Variants in SH3GL2 observed in about 807,000 individuals in gnomAD.
The protein encoded by SH3GL2 is endophilin-A1.
SH3GL2 carries 24 observed loss-of-function variants against 46.0 expected under a neutral mutation model. The observed-to-expected ratio is 0.52, with a 90% CI of 0.38 to 0.73. The LOEUF is 0.73. SH3GL2 is among the 30% of genes least tolerant of loss of function. The pLI is 0.00. For missense variants in SH3GL2, 413 were observed against 424.2 expected (o/e 0.97, Z 0.23); for synonymous variants, 196 against 147.1 (o/e 1.33, Z -2.40).
At chr9:17,781,609 T>C (rs1317825356) in intron 3 of SH3GL2, among the ~76,000 whole-genome samples, 1 of 152,170 alleles carries the variant, frequency 6.6e-6, no homozygotes, top group African/African-American at 2.4e-5. Context: ...GGTATGTGTC[T>C]ATTCAGCTTT....
At chr9:17,725,002 C>T (rs574124287) in intron 1 of SH3GL2, among the ~76,000 whole-genome samples, 3 of 152,216 alleles carry the variant, frequency 2.0e-5, no homozygotes, top group African/African-American at 4.8e-5. Context: ...GTGGTTCTTT[C>T]TCCATTCTCT....
intron 1 of SH3GL2, among the ~76,000 whole-genome samples, chr9:17,628,188 G>A (rs1488443920): frequency 6.6e-6 from 1 of 152,138 alleles, no homozygotes; most frequent in East Asian, 1.9e-4. Context: ...TCTTAAATGA[G>A]CCAGAATGGA....
At chr9:17,784,672 C>G (rs1823904271) in intron 3 of SH3GL2, among the ~76,000 whole-genome samples, 1 of 152,136 alleles carries the variant, frequency 6.6e-6, no homozygotes, top group South Asian at 2.1e-4. Context: ...ATATGACTCA[C>G]TGCAGAAAAT....
intron 1 of SH3GL2, among the ~76,000 whole-genome samples, chr9:17,737,007 G>C (rs1160893114): frequency 2.0e-5 from 3 of 152,102 alleles, no homozygotes; most frequent in Non-Finnish European, 4.4e-5. Flanking sequence ...ATACACCATG[G>C]AATACTATGC....
In SH3GL2 at chr9:17,579,122, C is replaced by G; in HGVS notation, c.-121C>G. ...CCGCTAGGCTCCGCGCCCTCGCGCC[C>G]ATAGCCCCGGCGGCGGCACGACCAG... On this transcript the variant is annotated 5_prime_UTR_variant, in exon 1 of 9. Coordinates refer to ENST00000380607, the MANE Select transcript of SH3GL2 (RefSeq NM_003026.5). 1.7e-6 allele frequency: 1 copy of G among 591,890 alleles called. No individual in the cohort carries two copies. 36.7% of individuals were successfully genotyped at this position (591,890 alleles called of 1,614,324 possible).
intron 1 of SH3GL2, among the ~76,000 whole-genome samples, chr9:17,585,041 G>A (rs1031958612): frequency 6.6e-6 from 1 of 152,208 alleles, no homozygotes; most frequent in Non-Finnish European, 1.5e-5. Context: ...ACTGTTTTGA[G>A]ACAGATGTCA....
chr9:17,735,512 G>A (rs558507820), intron 1 of SH3GL2, among the ~76,000 whole-genome samples: 2 of 150,784 alleles, frequency 1.3e-5, no homozygotes, highest in South Asian at 2.1e-4. Context: ...ACTTATACAT[G>A]AATTTTTTTT....
At chr9:17,677,218 G>A (rs1039519348) in intron 1 of SH3GL2, among the ~76,000 whole-genome samples, 3 of 152,036 alleles carry the variant, frequency 2.0e-5, no homozygotes, top group African/African-American at 4.8e-5. Context: ...TGAAGCAAAC[G>A]TGGAACTCTG....
intron 1 of SH3GL2, among the ~76,000 whole-genome samples, chr9:17,701,969 G>A (rs1312533678): frequency 2.0e-5 from 3 of 151,900 alleles, no homozygotes; most frequent in Admixed American, 6.6e-5. Context: ...TGGAAAAATA[G>A]TAAAGTATAG....
intron 1 of SH3GL2, among the ~76,000 whole-genome samples, chr9:17,616,003 G>A (rs948593703): frequency 2.6e-5 from 4 of 152,106 alleles, no homozygotes; most frequent in African/African-American, 4.8e-5. Flanking sequence ...GATGTTTCTG[G>A]GAATTGAGAT....
chr9:17,761,330 T>G, intron 2 of SH3GL2, 107 bp from the exon 3 acceptor site: 3 of 736,428 alleles, frequency 4.1e-6, no homozygotes, highest in Non-Finnish European at 7.4e-6. Flanking sequence ...GCGGGACTTG[T>G]CCGGGGCTCT....
At position 17,788,995 on chromosome 9, in the gene SH3GL2, A is replaced by G. The variant is rs1373500197; in HGVS notation, c.466-397A>G. Reference sequence around the variant, plus strand: ...GAAAGAGTTTTTCCTCTGGCTTCTCATGAGATACCATTTCTCTTGAAGACA... The same window carrying G: ...GAAAGAGTTTTTCCTCTGGCTTCTCGTGAGATACCATTTCTCTTGAAGACA... On this transcript the variant is annotated intron_variant, in intron 5 of 8. Coordinates refer to ENST00000380607, the MANE Select transcript of SH3GL2 (RefSeq NM_003026.5). 2.6e-5 allele frequency among the ~76,000 whole-genome samples: 4 copies of G among 152,174 alleles called. No homozygotes were observed. The South Asian group carries it at 6.2e-4, about 24-fold the overall frequency.
At chr9:17,614,593 G>C (rs993591167) in intron 1 of SH3GL2, among the ~76,000 whole-genome samples, 2 of 152,180 alleles carry the variant, frequency 1.3e-5, no homozygotes, top group African/African-American at 4.8e-5. Context: ...CCATGTGTCA[G>C]AGAGTGTTAT....
intron 1 of SH3GL2, among the ~76,000 whole-genome samples, chr9:17,634,788 C>G (rs2134631109): frequency 1.3e-5 from 2 of 152,302 alleles, no homozygotes; most frequent in East Asian, 3.9e-4. Context: ...AGCAGACACT[C>G]TTCTGGCCCT....
At chr9:17,774,330 A>G (rs1823579037) in intron 3 of SH3GL2, among the ~76,000 whole-genome samples, 1 of 152,130 alleles carries the variant, frequency 6.6e-6, no homozygotes, top group Non-Finnish European at 1.5e-5. Flanking sequence ...TGTGTTGAAT[A>G]GATGTGGTCA....
chr9:17,789,942 C>T (rs753234128), intron 6 of SH3GL2: 1 of 181,500 alleles, frequency 5.5e-6, no homozygotes, highest in African/African-American at 2.4e-5. Flanking sequence ...ATAAAGCCTA[C>T]AAATCGTAAA....
At chr9:17,592,605 ACCC>A (rs1430692128) in intron 1 of SH3GL2, among the ~76,000 whole-genome samples, 8 of 152,202 alleles carry the variant, frequency 5.3e-5, no homozygotes, top group Non-Finnish European at 8.8e-5. Flanking sequence ...TTCTAACAAT[ACCC>A]TGAGATTTCC....
intron 1 of SH3GL2, among the ~76,000 whole-genome samples, chr9:17,705,723 G>T (rs1260198732): frequency 6.6e-6 from 1 of 151,924 alleles, no homozygotes; most frequent in Non-Finnish European, 1.5e-5. Flanking sequence ...AATACAGTAT[G>T]TTCAGGTATA....
intron 1 of SH3GL2, among the ~76,000 whole-genome samples, chr9:17,690,580 C>A (rs1385361762): frequency 6.6e-6 from 1 of 152,100 alleles, no homozygotes; most frequent in Non-Finnish European, 1.5e-5. Flanking sequence ...CTGTGGCCAG[C>A]TAAGCCCAAG....
Sources: gnomAD v4.1 joint callset for allele counts (sites outside exome capture counted in the v4.1 genomes callset) on GRCh38, gnomAD v4.1.1 for gene constraint, MANE v1.5 for transcripts, NCBI Gene and HGNC (gene_info 2026-07-23, HGNC 2026-07-21) for gene names.